Variants in CACNA1C observed in about 807,000 individuals in gnomAD.
The protein encoded by CACNA1C is calcium voltage-gated channel subunit alpha1 C.
Under a neutral mutation model 229.0 loss-of-function variants are expected in CACNA1C, and 30 were observed. The ratio of observed to expected loss-of-function variants is 0.13; its 90% CI spans 0.10 to 0.18. The LOEUF (loss-of-function observed/expected upper bound fraction) is 0.18. CACNA1C is among the 10% of genes least tolerant of loss of function. The pLI is 1.00. For synonymous variants in CACNA1C, 1,114 were observed against 1,132.5 expected, an observed-to-expected ratio of 0.98 and a Z score of 0.33; for missense variants, 1,658 against 2,845.0, an observed-to-expected ratio of 0.58 and a Z score of 9.49.
Position 2,669,079 on chromosome 12 carries a change from A to T in CACNA1C, c.4726+44A>T, listed in dbSNP as rs532979900. The T allele has an allele frequency of 2.3e-5, 31 of 1,331,896 alleles. No homozygotes were observed. The South Asian group carries it at 3.6e-4, about 16-fold the overall frequency. 82.5% of individuals were successfully genotyped at this position (1,331,896 alleles called of 1,614,324 possible). ...ACTGGGAGAGACACTCAGAAGGTCT[A>T]GCAGACAATCAGAGAGGAGCTCGGC... On this transcript the variant is annotated intron_variant, in intron 38 of 46. Transcript: ENST00000399655.
At chr12:2,440,546 A>G (rs909645743) in intron 3 of CACNA1C, among the ~76,000 whole-genome samples, 1 of 152,082 alleles carries the variant, frequency 6.6e-6, no homozygotes, top group Non-Finnish European at 1.5e-5. Context: ...AGATCCCAGG[A>G]GGAGGAGGCC....
chr12:2,383,744 A>G (rs900386213), intron 3 of CACNA1C, among the ~76,000 whole-genome samples: 3 of 152,222 alleles, frequency 2.0e-5, no homozygotes, highest in African/African-American at 7.2e-5. Flanking sequence ...AACCAAAAAT[A>G]CAGTGAAGTA....
intron 3 of CACNA1C, among the ~76,000 whole-genome samples, chr12:2,446,024 G>A (rs1467373880): frequency 6.6e-6 from 1 of 152,188 alleles, no homozygotes; most frequent in African/African-American, 2.4e-5. Context: ...ACAGATGGGT[G>A]GATGGATGGG....
At chr12:2,338,541 C>T (rs2096769030) in intron 3 of CACNA1C, among the ~76,000 whole-genome samples, 1 of 150,030 alleles carries the variant, frequency 6.7e-6, no homozygotes, top group African/African-American at 2.5e-5. Flanking sequence ...TCCCTCCAGT[C>T]AGTGACACTG....
intron 3 of CACNA1C, among the ~76,000 whole-genome samples, chr12:2,185,820 G>A (rs575401900): frequency 4.1e-4 from 62 of 152,282 alleles, no homozygotes; most frequent in Middle Eastern, 3.4e-3. Context: ...CGGCCTGGGA[G>A]TGTCACTCAC....
At chr12:2,416,775 A>G (rs532025050) in intron 3 of CACNA1C, among the ~76,000 whole-genome samples, 2 of 152,314 alleles carry the variant, frequency 1.3e-5, no homozygotes, top group South Asian at 2.1e-4. Context: ...CTCAGACACA[A>G]TTTCACTTCG....
intron 9 of CACNA1C, among the ~76,000 whole-genome samples, chr12:2,526,968 T>A (rs11062255): frequency 0.11 from 16,882 of 152,242 alleles, 1,008 homozygotes; most frequent in Middle Eastern, 0.15. Context: ...GCTTTCTAAA[T>A]AGATACATTT....
chr12:2,053,592 T>C lies in CACNA1C; in HGVS notation c.30T>C (p.Ile10=), dbSNP rs1383697367. Residue 10 remains isoleucine, a synonymous_variant, in exon 1 of 47, where the codon ATT becomes ATC. Transcript: ENST00000399655. This position sits in a 1 kb window ranked among gnomAD's most constrained non-coding sequence, Gnocchi z 5.8. The stretch of plus-strand genomic sequence containing the variant: ...TCAATGAGAATACGAGGATGTACAT[T>C]CCAGAGGAAAACCACCAAGGTAAGG... MVNENTRMY[I]PEENHQGSNY... 2 of 1,599,576 alleles carry C rather than the reference T, an allele frequency of 1.3e-6. No individual in the cohort carries two copies. The highest frequency in any genetic ancestry group is 1.7e-6 in the Non-Finnish European group (2 of 1,173,214).
chr12:2,665,967 A>G lies in CACNA1C; in HGVS notation c.4526+259A>G, dbSNP rs2096069296. On this transcript the variant is annotated intron_variant, in intron 36 of 46. Coordinates refer to ENST00000399655, the MANE Select transcript of CACNA1C (RefSeq NM_000719.7). This position sits in a 1 kb window ranked among gnomAD's most constrained non-coding sequence, Gnocchi z 5.9. ...CATTTTAGAAGGCAAAGGTGGTTGA[A>G]TCACTCGAGGCCAGGAGTTCAAGAC... Among the ~76,000 whole-genome samples the G allele has an allele frequency of 1.3e-5, 2 of 152,198 alleles. No homozygotes were observed. The highest frequency in any genetic ancestry group is 4.1e-4 in the South Asian group (2 of 4,832).
intron 1 of CACNA1C, among the ~76,000 whole-genome samples, chr12:2,090,811 G>A (rs564175663): frequency 6.6e-6 from 1 of 152,212 alleles, no homozygotes; most frequent in African/African-American, 2.4e-5. Context: ...CTGAGGAATC[G>A]CCATACAGTT....
At chr12:2,308,252 T>A (rs989067805) in intron 3 of CACNA1C, among the ~76,000 whole-genome samples, 21 of 152,342 alleles carry the variant, frequency 1.4e-4, no homozygotes, top group Admixed American at 3.9e-4. Flanking sequence ...ATAATCTTTT[T>A]AAAATTTTTT....
rs538641723 is a variant in CACNA1C, at chr12:2,164,794, G to A, written c.477+44364G>A. Among the ~76,000 whole-genome samples the A allele has an allele frequency of 2.6e-5, 4 of 152,324 alleles. No homozygotes were observed. The South Asian group carries it at 8.3e-4, about 32-fold the overall frequency. ...ACCACTTTCTTTTCAGAAACATGGA[G>A]TTAATGCCAGTCTCACAAGGCAATG... On this transcript the variant is annotated intron_variant, in intron 3 of 46. Coordinates refer to ENST00000399655, the MANE Select transcript of CACNA1C (RefSeq NM_000719.7).
rs966297799 is a variant in CACNA1C at position 2,691,385 on chromosome 12, G to A, written c.*186G>A. ...CTCCGGGAGGAAGGCGCCCGGCTGCGTCTGCAGAGGCGGGGAGAGGAGGCG... is the reference window on the plus strand; with the variant it reads ...CTCCGGGAGGAAGGCGCCCGGCTGCATCTGCAGAGGCGGGGAGAGGAGGCG... On this transcript the variant is annotated 3_prime_UTR_variant, in exon 47 of 47. Coordinates refer to ENST00000399655, the MANE Select transcript of CACNA1C (RefSeq NM_000719.7). 7.8e-5 allele frequency: 44 copies of A among 565,620 alleles called. No homozygotes were observed. Among genetic ancestry groups the A allele is most frequent in the Admixed American group, 3.3e-4 (8 of 24,284 alleles). 35.0% of individuals were successfully genotyped at this position (565,620 alleles called of 1,614,324 possible).
At chr12:2,438,751 A>G (rs779929935) in intron 3 of CACNA1C, among the ~76,000 whole-genome samples, 12 of 152,058 alleles carry the variant, frequency 7.9e-5, no homozygotes, top group Non-Finnish European at 1.3e-4. Context: ...CTAGGTGTCA[A>G]TGAGCCTGGT....
At chr12:2,058,677 T>C (rs1266157145) in intron 1 of CACNA1C, among the ~76,000 whole-genome samples, 1 of 152,260 alleles carries the variant, frequency 6.6e-6, no homozygotes, top group Non-Finnish European at 1.5e-5. Flanking sequence ...TGTTTACATG[T>C]ACCTCAAGGT....
chr12:2,094,413 C>G (rs1458391102), intron 1 of CACNA1C, among the ~76,000 whole-genome samples: 2 of 152,118 alleles, frequency 1.3e-5, no homozygotes, highest in African/African-American at 4.8e-5. Flanking sequence ...AAGTCTTTAT[C>G]AATATTAAGG....
intron 5 of CACNA1C, among the ~76,000 whole-genome samples, chr12:2,475,329 G>A (rs751342885): frequency 4.6e-5 from 7 of 151,934 alleles, no homozygotes; most frequent in African/African-American, 7.2e-5. Flanking sequence ...AGAAAAGAAG[G>A]TTTCATTCAT....
intron 3 of CACNA1C, among the ~76,000 whole-genome samples, chr12:2,422,976 A>G (rs188185449): frequency 2.6e-4 from 40 of 152,272 alleles, no homozygotes; most frequent in African/African-American, 9.6e-4. Context: ...TTGGACCAAG[A>G]TACCTGAAGT....
intron 3 of CACNA1C, among the ~76,000 whole-genome samples, chr12:2,151,305 G>T (rs890558968): frequency 4.0e-5 from 6 of 150,280 alleles, no homozygotes; most frequent in African/African-American, 1.5e-4. Flanking sequence ...AAAATTGAAG[G>T]CACCCTTACC....
Sources: allele counts gnomAD v4.1 joint callset (sites outside exome capture counted in the v4.1 genomes callset), GRCh38; gene constraint gnomAD v4.1.1; non-coding constraint Gnocchi (gnomAD v3.1); transcripts MANE v1.5; gene names NCBI Gene and HGNC (gene_info 2026-07-23, HGNC 2026-07-21).